CDC23: variants seen among roughly 807,000 people sequenced by gnomAD.
The protein encoded by CDC23 is cell division cycle protein 23 homolog.
In CDC23, 26 loss-of-function variants were observed where a neutral mutation model predicts 81.7. The ratio of observed to expected loss-of-function variants is 0.32; its 90% CI spans 0.23 to 0.44. The LOEUF (loss-of-function observed/expected upper bound fraction) is 0.44. Among genes scored for constraint, CDC23 ranks in the 20% least tolerant of loss-of-function variants. The probability of loss-of-function intolerance (pLI) is 1.00; values close to 1 mark genes in which losing one functional copy is unlikely to be tolerated. For synonymous variants in CDC23, 267 were observed against 270.8 expected, an observed-to-expected ratio of 0.99 and a Z score of 0.14; for missense variants, 519 against 728.0, an observed-to-expected ratio of 0.71 and a Z score of 3.30.
At chr5:138,195,594 TATATTATATATG>T (rs1347885524) in intron 9 of CDC23, among the ~76,000 whole-genome samples, 2 of 114,716 alleles carry the variant, frequency 1.7e-5, no homozygotes, top group East Asian at 4.9e-4. Flanking sequence ...ATATATAATA[TATATTATATATG>T]ATATATTTAT....
intron 3 of CDC23, among the ~76,000 whole-genome samples, chr5:138,203,302 A>G (rs1252849269): frequency 1.3e-5 from 2 of 152,220 alleles, no homozygotes; most frequent in Admixed American, 6.5e-5. Flanking sequence ...TACAACAAAT[A>G]TATCACACTG....
chr5:138,196,895 T>TC (rs1754919015), intron 9 of CDC23, among the ~76,000 whole-genome samples: 1 of 142,976 alleles, frequency 7.0e-6, no homozygotes, highest in South Asian at 2.2e-4. Flanking sequence ...TTTTCCTTTT[T>TC]TTTTTTTTTT....
chr5:138,203,593 G>A (rs1017522654), intron 3 of CDC23, among the ~76,000 whole-genome samples: 3 of 152,138 alleles, frequency 2.0e-5, no homozygotes, highest in Admixed American at 6.6e-5. Flanking sequence ...AAATGCTATA[G>A]AAGACACTGC....
intron 9 of CDC23, among the ~76,000 whole-genome samples, chr5:138,196,075 T>C (rs1252853555): frequency 6.6e-6 from 1 of 151,408 alleles, no homozygotes; most frequent in Non-Finnish European, 1.5e-5. Flanking sequence ...ATATGAAAGC[T>C]AGCGTATTAT....
chr5:138,193,946 A>G (rs575037232), intron 9 of CDC23, among the ~76,000 whole-genome samples: 91 of 151,852 alleles, frequency 6.0e-4, no homozygotes, highest in African/African-American at 2.1e-3. Context: ...CAACAAAAGC[A>G]AAACTCCGTC....
Position 138,192,498 on chromosome 5 carries a change from A to C in CDC23, c.1166+6T>G. 2 of 1,613,716 alleles carry C rather than the reference A, an allele frequency of 1.2e-6. No homozygotes were observed. The highest frequency in any genetic ancestry group is 1.7e-6 in the Non-Finnish European group (2 of 1,179,810). ...CTGCTCTACCTCACCACCTATAGAT[A>C]ATCACCTATAAGCCTGGATAGCAGC... On this transcript the variant is annotated splice_donor_region_variant and intron_variant, in intron 10 of 15. Transcript: ENST00000394886.
chr5:138,209,421 CAAA>C (rs529747839), intron 2 of CDC23, among the ~76,000 whole-genome samples: 1 of 93,344 alleles, frequency 1.1e-5, no homozygotes, highest in Admixed American at 1.2e-4. Context: ...GAGTGAGACT[CAAA>C]AAAAAAAAAA....
Position 138,206,693 on chromosome 5 carries a change from G to T in CDC23, c.235-9C>A, listed in dbSNP as rs762384791. The T allele has an allele frequency of 1.1e-5, 17 of 1,605,168 alleles. No individual in the cohort carries two copies. Among genetic ancestry groups the T allele is most frequent in the Non-Finnish European group, 1.4e-5 (16 of 1,175,920 alleles). On this transcript the variant is annotated splice_polypyrimidine_tract_variant and intron_variant, in intron 2 of 15. Coordinates refer to ENST00000394886, the MANE Select transcript of CDC23 (RefSeq NM_004661.4). The stretch of plus-strand genomic sequence containing the variant: ...ATATCCTGGGCATCTTCCTAAAAAA[G>T]AAACAAGCTTATGTAAGTGGTTGGG...
chr5:138,191,940 G>C lies in CDC23; in HGVS notation c.1287-3C>G, dbSNP rs771393171. 6.2e-7 allele frequency: 1 copy of C among 1,613,640 alleles called. No homozygotes were observed. The highest frequency in any genetic ancestry group is 1.7e-5 in the Admixed American group (1 of 60,014). On this transcript the variant is annotated splice_region_variant and splice_polypyrimidine_tract_variant and intron_variant, in intron 11 of 15. Coordinates refer to ENST00000394886, the MANE Select transcript of CDC23 (RefSeq NM_004661.4). ...CCAGCATGCGAGAATCATTGGGTCT[G>C]AGAAAGAAGAACAGGCAGTCTGAGC...
intron 13 of CDC23, 73 bp from the exon 14 acceptor site, chr5:138,189,979 A>T: frequency 7.7e-7 from 1 of 1,300,834 alleles, no homozygotes; most frequent in Admixed American, 1.8e-5. Context: ...GTAAAAGTAC[A>T]TAAGACCAAA....
At chr5:138,211,120 G>A (rs950412338) in intron 2 of CDC23, among the ~76,000 whole-genome samples, 5 of 152,114 alleles carry the variant, frequency 3.3e-5, no homozygotes, top group African/African-American at 9.7e-5. Flanking sequence ...ATCAATCTAG[G>A]TGCCCATCAA....
intron 2 of CDC23, among the ~76,000 whole-genome samples, chr5:138,208,190 G>A (rs1755074238): frequency 6.6e-6 from 1 of 152,042 alleles, no homozygotes; most frequent in Non-Finnish European, 1.5e-5. Context: ...GACCTCAAGC[G>A]ATCCACCCGC....
intron 8 of CDC23, 47 bp from the exon 9 acceptor site, chr5:138,198,327 T>C: frequency 6.3e-7 from 1 of 1,585,474 alleles, no homozygotes; most frequent in African/African-American, 1.3e-5. Context: ...AAGAACTCCC[T>C]AAATTATTTT....
intron 9 of CDC23, among the ~76,000 whole-genome samples, chr5:138,195,277 CA>C (rs1170258215): frequency 2.0e-5 from 3 of 150,874 alleles, no homozygotes; most frequent in Non-Finnish European, 4.4e-5. Flanking sequence ...GTACAGCAAG[CA>C]AAAGAAACCC....
At chr5:138,203,630 G>A (rs767860477) in intron 3 of CDC23, among the ~76,000 whole-genome samples, 15 of 152,158 alleles carry the variant, frequency 9.9e-5, no homozygotes, top group Admixed American at 3.3e-4. Flanking sequence ...ATTGGAATTC[G>A]GCCGGGTGCA....
intron 13 of CDC23, 100 bp from the exon 14 acceptor site, chr5:138,190,006 T>A: frequency 1.1e-6 from 1 of 887,838 alleles, no homozygotes; most frequent in Non-Finnish European, 1.8e-6. Context: ...AATACATAGG[T>A]AAGTATCAAT....
At chr5:138,205,310 A>C (rs1363085499) in intron 3 of CDC23, among the ~76,000 whole-genome samples, 1 of 152,212 alleles carries the variant, frequency 6.6e-6, no homozygotes, top group Non-Finnish European at 1.5e-5. Context: ...ACTCATGGAG[A>C]TAAGCAAACT....
At chr5:138,208,038 T>C (rs1484649884) in intron 2 of CDC23, among the ~76,000 whole-genome samples, 1 of 152,074 alleles carries the variant, frequency 6.6e-6, no homozygotes, top group Admixed American at 6.6e-5. Context: ...ATTGGCTGAC[T>C]GTAACCTCCA....
chr5:138,190,466 G>GAA (rs79994187), intron 13 of CDC23, among the ~76,000 whole-genome samples: 21 of 61,878 alleles, frequency 3.4e-4, no homozygotes, highest in Middle Eastern at 0.015. Context: ...TCCAAAAAAA[G>GAA]AAAAAAAAAA....
Sources: gnomAD v4.1 joint callset for allele counts (sites outside exome capture counted in the v4.1 genomes callset) on GRCh38, gnomAD v4.1.1 for gene constraint, MANE v1.5 for transcripts, NCBI Gene and HGNC (gene_info 2026-07-23, HGNC 2026-07-21) for gene names.